TMX3: variants seen among roughly 807,000 people sequenced by gnomAD.
TMX3 encodes protein disulfide-isomerase TMX3.
A neutral mutation model predicts 64.4 loss-of-function variants in TMX3; 40 were observed. The observed-to-expected ratio is 0.62, with a 90% CI of 0.48 to 0.81. The LOEUF (loss-of-function observed/expected upper bound fraction) is 0.81, where lower values mean the gene tolerates loss of function less well. Among genes scored for constraint, TMX3 ranks in the 30% least tolerant of loss-of-function variants. The probability of loss-of-function intolerance (pLI) is 0.00; values close to 1 mark genes in which losing one functional copy is unlikely to be tolerated. For synonymous variants in TMX3, 189 were observed against 175.7 expected (o/e 1.08, Z -0.60); for missense variants, 497 against 534.5 (o/e 0.93, Z 0.69).
chr18:68,684,314 T>A lies in TMX3; in HGVS notation c.795-71A>T, dbSNP rs17079562. On this transcript the variant is annotated intron_variant, in intron 11 of 15. Transcript: ENST00000299608. Reference sequence around the variant, plus strand: ...AACATAATTTTTCAATGATAGTATCTGCTGTCTTACATCTAATTGCTGCAG... The same window carrying A: ...AACATAATTTTTCAATGATAGTATCAGCTGTCTTACATCTAATTGCTGCAG... 5.2e-3 allele frequency: 7,812 copies of A among 1,492,968 alleles called. 243 individuals carry two copies. In the African/African-American group the frequency reaches 0.076, roughly 15 times the overall value. The allele number at this position is 1,492,968 out of a possible 1,614,324, so 92.5% of individuals were successfully genotyped here.
intron 10 of TMX3, among the ~76,000 whole-genome samples, chr18:68,685,380 CCTGT>C (rs1383983224): frequency 6.6e-6 from 1 of 152,104 alleles, no homozygotes; most frequent in Non-Finnish European, 1.5e-5. Flanking sequence ...TGCTTAAACA[CCTGT>C]CTAAATTCTA....
chr18:68,705,278 C>T (rs569423232), intron 4 of TMX3, among the ~76,000 whole-genome samples: 1 of 152,174 alleles, frequency 6.6e-6, no homozygotes, highest in South Asian at 2.1e-4. Context: ...TAGTGCAAGG[C>T]TGATAAACCC....
At chr18:68,710,212 T>C (rs2031137274) in intron 3 of TMX3, 68 bp from the exon 4 acceptor site, 1 of 1,307,438 alleles carries the variant, frequency 7.6e-7, no homozygotes, top group Non-Finnish European at 1.0e-6. Context: ...ACAGTAAATA[T>C]GAATCTTAAT....
At chr18:68,702,109 G>A (rs2030146729) in intron 4 of TMX3, among the ~76,000 whole-genome samples, 1 of 129,996 alleles carries the variant, frequency 7.7e-6, no homozygotes, top group African/African-American at 3.0e-5. Context: ...ATAAAAATAC[G>A]TAAGTACTTC....
intron 8 of TMX3, 22 bp from the exon 9 acceptor site, chr18:68,691,383 A>C (rs775102104): frequency 1.4e-6 from 2 of 1,444,534 alleles, no homozygotes; most frequent in Non-Finnish European, 1.8e-6. Flanking sequence ...CAGAAGTTTA[A>C]ATAACTTTTA....
chr18:68,687,329 G>T, intron 10 of TMX3: 4 of 985,270 alleles, frequency 4.1e-6, no homozygotes, highest in Non-Finnish European at 4.8e-6. Context: ...CTTATAAATA[G>T]GTTGTGCTAA....
chr18:68,697,550 T>C (rs764460224), intron 7 of TMX3: 4 of 355,780 alleles, frequency 1.1e-5, no homozygotes, highest in African/African-American at 4.2e-5. Context: ...GTTCAATTTG[T>C]ATGTATTCAT....
At position 68,675,889 on chromosome 18, in the gene TMX3, G is replaced by A. The variant is rs982264930; in HGVS notation, c.*1044C>T. The A allele has an allele frequency of 1.3e-5, 2 of 152,128 alleles. No homozygotes were observed. The highest frequency in any genetic ancestry group is 4.8e-5 in the African/African-American group (2 of 41,446). The allele number at this position is 152,128 out of a possible 1,614,324, so 9.4% of individuals were successfully genotyped here. ...CTTTTTTTTACACCGGATGTGACTT[G>A]TCACTGGACATGCTAATGTCAGTCG... On this transcript the variant is annotated 3_prime_UTR_variant, in exon 16 of 16. Coordinates refer to ENST00000299608, the MANE Select transcript of TMX3 (RefSeq NM_019022.5).
intron 8 of TMX3, chr18:68,696,895 C>T (rs1276447061): frequency 8.9e-6 from 2 of 225,388 alleles, no homozygotes; most frequent in East Asian, 1.3e-4. Context: ...CACACACACA[C>T]ACACATACGC....
At chr18:68,704,311 A>C (rs894605366) in intron 4 of TMX3, among the ~76,000 whole-genome samples, 1 of 152,246 alleles carries the variant, frequency 6.6e-6, no homozygotes, top group African/African-American at 2.4e-5. Flanking sequence ...ATTGCACCTC[A>C]AAACAAATTT....
chr18:68,702,175 CAAAAAAAAAAA>C (rs375234012), intron 4 of TMX3, among the ~76,000 whole-genome samples: 2 of 44,036 alleles, frequency 4.5e-5, no homozygotes, highest in African/African-American at 7.6e-5. Flanking sequence ...TTACTCCTCT[CAAAAAAAAAAA>C]AAAAAAAAAA....
At position 68,687,750 on chromosome 18, in the gene TMX3, T is replaced by A; in HGVS notation, c.653A>T (p.Asp218Val). ...YFVYDEYEDG[D>V]LSSWINRERF... ...TTCCCTGTTGATCCATGATGACAGATCACCATCTTCATACTCTTAAAACCA... is the reference window on the plus strand; with the variant it reads ...TTCCCTGTTGATCCATGATGACAGAACACCATCTTCATACTCTTAAAACCA... Residue 218 changes from aspartate (D) to valine (V), a missense_variant, in exon 10 of 16, where the codon GAT becomes GTT. Asp to Val is a radical substitution (Grantham distance 152). Coordinates refer to ENST00000299608, the MANE Select transcript of TMX3 (RefSeq NM_019022.5). 6.2e-7 allele frequency: 1 copy of A among 1,610,868 alleles called. No individual in the cohort carries two copies. The highest frequency in any genetic ancestry group is 8.5e-7 in the Non-Finnish European group (1 of 1,178,744).
intron 13 of TMX3, 75 bp downstream of exon 13, chr18:68,682,850 C>T (rs1913568697): frequency 1.5e-6 from 2 of 1,304,498 alleles, no homozygotes; most frequent in African/African-American, 3.0e-5. Context: ...GCTATTTAAT[C>T]CTTCTACCTG....
rs1023647941 is a variant in TMX3, at chr18:68,684,500, G to A, written c.737-15C>T. On this transcript the variant is annotated splice_polypyrimidine_tract_variant and intron_variant, in intron 10 of 15. Coordinates refer to ENST00000299608, the MANE Select transcript of TMX3 (RefSeq NM_019022.5). The stretch of plus-strand genomic sequence containing the variant: ...CACAAGCTTTCCTGAAATAAAGAAT[G>A]ACACATCTGAATTCAATCACCCTTA... The A allele has an allele frequency of 8.1e-6, 13 of 1,609,288 alleles. No homozygotes were observed. Among genetic ancestry groups the A allele is most frequent in the Admixed American group, 3.3e-5 (2 of 59,848 alleles).
At chr18:68,697,737 A>C (rs1915237085) in intron 7 of TMX3, 195 bp downstream of exon 7, 1 of 496,178 alleles carries the variant, frequency 2.0e-6, no homozygotes, top group South Asian at 3.7e-5. Context: ...CACTTTTTAC[A>C]CACTTCTGTT....
At position 68,676,909 on chromosome 18, in the gene TMX3, C is replaced by T. The variant is rs377534484; in HGVS notation, c.*24G>A. ...ACTCTTTAATAATTTGAAGTCCTAA[C>T]AAATATTTTATAGTCATCAAGTCTC... is the stretch of plus-strand genomic sequence containing the variant. On this transcript the variant is annotated 3_prime_UTR_variant, in exon 16 of 16. Transcript: ENST00000299608. The T allele has an allele frequency of 2.5e-6, 4 of 1,594,378 alleles. No homozygotes were observed. In the East Asian group the frequency reaches 8.9e-5, roughly 36 times the overall value.
At chr18:68,698,697 G>A (rs766382549) in intron 6 of TMX3, among the ~76,000 whole-genome samples, 56 of 151,986 alleles carry the variant, frequency 3.7e-4, no homozygotes, top group Non-Finnish European at 1.8e-4. Flanking sequence ...GTTATTAAGC[G>A]TGTCAATTAT....
At chr18:68,686,712 A>G in intron 10 of TMX3, 1 of 985,270 alleles carries the variant, frequency 1.0e-6, no homozygotes, top group Non-Finnish European at 1.2e-6. Context: ...TCTCAAAAAA[A>G]AAAAAATCAG....
intron 3 of TMX3, among the ~76,000 whole-genome samples, chr18:68,710,750 T>C (rs1158234022): frequency 6.6e-6 from 1 of 152,212 alleles, no homozygotes; most frequent in African/African-American, 2.4e-5. Context: ...TGTTATATTT[T>C]CATGAAACAA....
Sources: allele counts gnomAD v4.1 joint callset (sites outside exome capture counted in the v4.1 genomes callset), GRCh38; gene constraint gnomAD v4.1.1; transcripts MANE v1.5; gene names NCBI Gene and HGNC (gene_info 2026-07-23, HGNC 2026-07-21).